The following STPG2 variants were observed in gnomAD, a reference collection of about 807,000 sequenced individuals.
STPG2 encodes the protein sperm tail PG-rich repeat containing 2, also known as sperm-tail PG-rich repeat-containing protein 2.
STPG2 carries 56 observed loss-of-function variants against 54.2 expected under a neutral mutation model. The ratio of observed to expected loss-of-function variants is 1.03; its 90% CI spans 0.83 to 1.29. The LOEUF is 1.29. Among genes scored for constraint, STPG2 ranks in the 50% most tolerant of loss-of-function variants. The probability of loss-of-function intolerance (pLI) is 0.00; values close to 1 mark genes in which losing one functional copy is unlikely to be tolerated. For synonymous variants in STPG2, 200 were observed against 181.8 expected (o/e 1.10, Z -0.81); for missense variants, 596 against 544.9 (o/e 1.09, Z -0.93).
chr4:97,798,298 C>A (rs954894029), intron 9 of STPG2, among the ~76,000 whole-genome samples: 4 of 152,022 alleles, frequency 2.6e-5, no homozygotes, highest in Admixed American at 2.6e-4. Flanking sequence ...TAGATCTTTC[C>A]TACTTTCTCA....
intron 10 of STPG2, among the ~76,000 whole-genome samples, chr4:97,688,288 A>C (rs564215189): frequency 3.9e-5 from 6 of 152,334 alleles, no homozygotes; most frequent in African/African-American, 1.4e-4. Context: ...AAAGAAAATA[A>C]ATGTATAAAT....
intron 4 of STPG2, among the ~76,000 whole-genome samples, chr4:97,553,182 T>C (rs149512791): frequency 1.3e-5 from 2 of 152,212 alleles, no homozygotes; most frequent in African/African-American, 4.8e-5. Context: ...ATCTGGGAGA[T>C]AAGTGGCTAA....
chr4:98,114,763 T>TGTGTG (rs59647920), intron 3 of STPG2, among the ~76,000 whole-genome samples: 30 of 145,198 alleles, frequency 2.1e-4, no homozygotes, highest in African/African-American at 6.9e-4. Context: ...ATTTTTTTTT[T>TGTGTG]TTTGTGTGTG....
At chr4:97,632,449 T>C (rs1721320499) in intron 10 of STPG2, among the ~76,000 whole-genome samples, 1 of 152,104 alleles carries the variant, frequency 6.6e-6, no homozygotes, top group Non-Finnish European at 1.5e-5. Context: ...AGTATCACTA[T>C]TTACTCATAA....
At chr4:97,851,419 C>T (rs962873319) in intron 8 of STPG2, among the ~76,000 whole-genome samples, 8 of 152,182 alleles carry the variant, frequency 5.3e-5, no homozygotes, top group African/African-American at 1.9e-4. Context: ...GTAGGGCTGA[C>T]ACTATGCCTT....
chr4:97,685,458 T>G (rs1723160085), intron 10 of STPG2, among the ~76,000 whole-genome samples: 1 of 152,130 alleles, frequency 6.6e-6, no homozygotes, highest in African/African-American at 2.4e-5. Context: ...CTGAAAAAGC[T>G]ATATACTGTG....
At chr4:97,851,212 T>G (rs1300923435) in intron 8 of STPG2, among the ~76,000 whole-genome samples, 1 of 152,154 alleles carries the variant, frequency 6.6e-6, no homozygotes, top group Non-Finnish European at 1.5e-5. Flanking sequence ...GCTCCTTGAG[T>G]GTTCAGAAAG....
rs1187696197 is a variant in STPG2, at chr4:97,908,814, A to G, written c.1044+35083T>C. 2.8e-5 allele frequency among the ~76,000 whole-genome samples: 4 copies of G among 142,640 alleles called. No individual in the cohort carries two copies. In the East Asian group the frequency reaches 6.7e-4, roughly 24 times the overall value. 93.6% of individuals were successfully genotyped at this position (142,640 alleles called of 152,430 possible). A position where few individuals can be genotyped will look rare whatever the true frequency, so the allele number is the denominator to read the frequency against. On this transcript the variant is annotated intron_variant, in intron 8 of 10. Transcript: ENST00000295268. ...CTCACTCATAGGTGGGAATTGAACA[A>G]TGAGAACACATGGACACGGGAAGGG... is the stretch of plus-strand genomic sequence containing the variant.
At chr4:98,108,841 T>A (rs1370315473) in intron 4 of STPG2, among the ~76,000 whole-genome samples, 1 of 151,882 alleles carries the variant, frequency 6.6e-6, no homozygotes. Flanking sequence ...ATATAGTAGA[T>A]AGCACAAGAT....
intron 9 of STPG2, among the ~76,000 whole-genome samples, chr4:97,734,965 C>G (rs1294194577): frequency 6.6e-6 from 1 of 151,502 alleles, no homozygotes; most frequent in Non-Finnish European, 1.5e-5. Context: ...CCCAGTTACT[C>G]AGGAGGCTGA....
intron 8 of STPG2, among the ~76,000 whole-genome samples, chr4:97,876,703 A>G (rs1469029199): frequency 6.6e-6 from 1 of 152,060 alleles, no homozygotes; most frequent in African/African-American, 2.4e-5. Context: ...ATTATTTAAA[A>G]GAAGATGAAA....
chr4:97,525,517 C>T (rs932113528), intron 4 of STPG2, among the ~76,000 whole-genome samples: 1 of 151,944 alleles, frequency 6.6e-6, no homozygotes, highest in African/African-American at 2.4e-5. Context: ...AAGAAGCTGA[C>T]TTACAAGCAA....
chr4:97,758,978 A>C (rs1725811605), intron 9 of STPG2, among the ~76,000 whole-genome samples: 1 of 152,164 alleles, frequency 6.6e-6, no homozygotes, highest in Non-Finnish European at 1.5e-5. Flanking sequence ...AAGACAGAAA[A>C]AAAATGAACG....
intron 9 of STPG2, among the ~76,000 whole-genome samples, chr4:97,753,444 T>G (rs1725638371): frequency 6.6e-6 from 1 of 152,028 alleles, no homozygotes; most frequent in African/African-American, 2.4e-5. Context: ...TGCATTTCAC[T>G]GAATGTGTAT....
chr4:97,622,260 C>T (rs115419827), intron 10 of STPG2, among the ~76,000 whole-genome samples: 2,833 of 152,112 alleles, frequency 0.019, 79 homozygotes, highest in African/African-American at 0.065. Flanking sequence ...CAACATAGTA[C>T]TCTAAGTCCT....
intron 5 of STPG2, among the ~76,000 whole-genome samples, chr4:98,038,307 T>A (rs191897212): frequency 2.0e-5 from 3 of 152,140 alleles, no homozygotes; most frequent in Non-Finnish European, 4.4e-5. Context: ...TTAGTCCATT[T>A]GATACAAGAT....
At chr4:97,954,315 G>A (rs1733586581) in intron 7 of STPG2, among the ~76,000 whole-genome samples, 1 of 152,198 alleles carries the variant, frequency 6.6e-6, no homozygotes, top group Non-Finnish European at 1.5e-5. Context: ...CTACTGGTGT[G>A]CAGGTGCACT....
intron 4 of STPG2, among the ~76,000 whole-genome samples, chr4:97,551,737 T>C (rs918582539): frequency 6.6e-6 from 1 of 152,262 alleles, no homozygotes; most frequent in Non-Finnish European, 1.5e-5. Context: ...CTCGCTCATG[T>C]ACATAGAAAA....
chr4:97,782,631 A>G (rs1726682471), intron 9 of STPG2, among the ~76,000 whole-genome samples: 1 of 152,194 alleles, frequency 6.6e-6, no homozygotes, highest in Non-Finnish European at 1.5e-5. Context: ...AGACAATCCT[A>G]AGCCAAAAGA....
Sources: gnomAD v4.1 joint callset for allele counts (sites outside exome capture counted in the v4.1 genomes callset) on GRCh38, gnomAD v4.1.1 for gene constraint, MANE v1.5 for transcripts, NCBI Gene and HGNC (gene_info 2026-07-23, HGNC 2026-07-21) for gene names.